NRP2: variants seen among roughly 807,000 people sequenced by gnomAD.
NRP2 encodes neuropilin 2, also known as neuropilin-2.
A neutral mutation model predicts 110.4 loss-of-function variants in NRP2; 52 were observed. The ratio of observed to expected loss-of-function variants is 0.47; its 90% CI spans 0.38 to 0.59. NRP2 has a LOEUF of 0.59. Among genes scored for constraint, NRP2 ranks in the 20% least tolerant of loss-of-function variants. The pLI, the probability that NRP2 is intolerant of heterozygous loss-of-function variation, is 0.00. For missense variants in NRP2, 1,049 were observed against 1,203.0 expected, an observed-to-expected ratio of 0.87 and a Z score of 1.89; for synonymous variants, 508 against 468.9, an observed-to-expected ratio of 1.08 and a Z score of -1.08.
At chr2:205,735,157 G>C (rs181081109) in intron 7 of NRP2, among the ~76,000 whole-genome samples, 1 of 151,818 alleles carries the variant, frequency 6.6e-6, no homozygotes, top group Admixed American at 6.6e-5. Context: ...ATGACAGGTA[G>C]CATCTACACT....
chr2:205,752,195 G>C (rs905450162), intron 11 of NRP2, among the ~76,000 whole-genome samples: 63 of 152,212 alleles, frequency 4.1e-4, no homozygotes, highest in African/African-American at 1.4e-3. Flanking sequence ...AAGCTGGCTG[G>C]TCTGGTCCCT....
At chr2:205,758,558 T>C (rs1390016875) in intron 12 of NRP2, among the ~76,000 whole-genome samples, 1 of 152,230 alleles carries the variant, frequency 6.6e-6, no homozygotes, top group East Asian at 1.9e-4. Context: ...CCCTGTCCTC[T>C]GTACTTCCTC....
chr2:205,724,868 T>C (rs1007517101), intron 5 of NRP2, among the ~76,000 whole-genome samples: 2 of 152,090 alleles, frequency 1.3e-5, no homozygotes, highest in Non-Finnish European at 2.9e-5. Context: ...GGTTTCACCA[T>C]GTTGGCTAGA....
intron 9 of NRP2, 88 bp from the exon 10 acceptor site, chr2:205,745,658 G>A: frequency 1.3e-6 from 2 of 1,508,910 alleles, no homozygotes; most frequent in Non-Finnish European, 1.8e-6. Context: ...GGACGTGCGG[G>A]GCAGGGAGGA....
intron 14 of NRP2, among the ~76,000 whole-genome samples, chr2:205,765,933 A>C (rs1249762022): frequency 2.6e-5 from 4 of 152,214 alleles, no homozygotes; most frequent in Non-Finnish European, 5.9e-5. Context: ...TGATGGATTT[A>C]ATGGAAGCCT....
At chr2:205,753,950 G>A (rs2057693328) in intron 12 of NRP2, among the ~76,000 whole-genome samples, 1 of 152,154 alleles carries the variant, frequency 6.6e-6, no homozygotes, top group Non-Finnish European at 1.5e-5. Flanking sequence ...GTTGAGTTTT[G>A]AGGATTTGTT....
chr2:205,716,394 G>GGGGCC lies in NRP2; in HGVS notation c.433+24_433+28dup. 6.2e-7 allele frequency: 1 copy of GGGGCC among 1,612,818 alleles called. No individual in the cohort carries two copies. Among genetic ancestry groups the GGGGCC allele is most frequent in the African/African-American group, 1.3e-5 (1 of 74,954 alleles). ...AGACAGGTCAGTGTGGTCACACGTA[G>GGGGCC]GGGCCGGGAGATGGGCGTCTTAGAG... On this transcript the variant is annotated intron_variant, in intron 3 of 16. Transcript: ENST00000357785.
intron 7 of NRP2, among the ~76,000 whole-genome samples, chr2:205,737,173 G>A (rs1311439473): frequency 6.6e-6 from 1 of 152,090 alleles, no homozygotes; most frequent in South Asian, 2.1e-4. Flanking sequence ...AGGTATAGTC[G>A]CCCTGTGAAT....
intron 1 of NRP2, among the ~76,000 whole-genome samples, chr2:205,693,852 G>A (rs898479044): frequency 6.6e-6 from 1 of 152,212 alleles, no homozygotes; most frequent in Non-Finnish European, 1.5e-5. Flanking sequence ...TTACCAAGCT[G>A]TCGTGAAGTA....
intron 2 of NRP2, among the ~76,000 whole-genome samples, chr2:205,705,339 C>G (rs553642247): frequency 1.3e-5 from 2 of 151,966 alleles, no homozygotes; most frequent in South Asian, 4.2e-4. Context: ...AATTTTTTTC[C>G]TAGAAGGAGA....
intron 15 of NRP2, among the ~76,000 whole-genome samples, chr2:205,768,755 C>A (rs2057969365): frequency 6.6e-6 from 1 of 152,154 alleles, no homozygotes; most frequent in South Asian, 2.1e-4. Context: ...AGGCAGTGCA[C>A]AAGTTGCATG....
chr2:205,769,790 A>G (rs1377963756), intron 15 of NRP2, among the ~76,000 whole-genome samples: 1 of 152,010 alleles, frequency 6.6e-6, no homozygotes, highest in East Asian at 1.9e-4. Flanking sequence ...TTTTTCTAGG[A>G]TTTGAGCTTT....
At chr2:205,752,702 G>T (rs1289463517) in intron 11 of NRP2, 133 bp from the exon 12 acceptor site, 3 of 943,334 alleles carry the variant, frequency 3.2e-6, no homozygotes, top group Non-Finnish European at 3.4e-6. Flanking sequence ...TGAGTTAAAT[G>T]AATAAGCAAA....
At position 205,796,838 on chromosome 2, in the gene NRP2, T is replaced by A. The variant is rs1443136698; in HGVS notation, c.*1780T>A. 6.6e-6 allele frequency: 1 copy of A among 152,656 alleles called. No individual in the cohort carries two copies. The highest frequency in any genetic ancestry group is 2.4e-5 in the African/African-American group (1 of 41,446). The allele number at this position is 152,656 out of a possible 1,614,324, so 9.5% of individuals were successfully genotyped here. A position where few individuals can be genotyped will look rare whatever the true frequency, so the allele number is the denominator to read the frequency against. ...ACCAGTATGCCCAGCCTATTGCATA[T>A]CATTGTCAGACCATTTTTGCTGCTG... On this transcript the variant is annotated 3_prime_UTR_variant, in exon 17 of 17. Coordinates refer to ENST00000357785, the MANE Select transcript of NRP2 (RefSeq NM_003872.3).
intron 15 of NRP2, among the ~76,000 whole-genome samples, chr2:205,784,747 C>A (rs954235839): frequency 6.6e-6 from 1 of 152,198 alleles, no homozygotes; most frequent in Admixed American, 6.5e-5. Flanking sequence ...CCCCTTTCTG[C>A]ACCTTCCCCT....
intron 15 of NRP2, among the ~76,000 whole-genome samples, chr2:205,780,168 C>A (rs1371312537): frequency 1.3e-5 from 2 of 152,210 alleles, no homozygotes; most frequent in African/African-American, 4.8e-5. Context: ...ATTATTACTT[C>A]CACAGGGATG....
At chr2:205,697,013 C>T (rs2056443023) in intron 1 of NRP2, among the ~76,000 whole-genome samples, 2 of 152,146 alleles carry the variant, frequency 1.3e-5, no homozygotes. Context: ...GAAAGTGCTT[C>T]CTCTGCACCA....
intron 2 of NRP2, chr2:205,701,158 A>G (rs2056547444): frequency 1.3e-5 from 2 of 158,786 alleles, no homozygotes; most frequent in African/African-American, 4.8e-5. Context: ...ACCTGCATGT[A>G]ATACACAGCT....
intron 2 of NRP2, among the ~76,000 whole-genome samples, chr2:205,715,093 G>A (rs2056868133): frequency 1.3e-5 from 2 of 152,176 alleles, no homozygotes; most frequent in African/African-American, 2.4e-5. Context: ...AGTAAATAAT[G>A]GTGCAGCGGC....
Sources: gnomAD v4.1 joint callset for allele counts (sites outside exome capture counted in the v4.1 genomes callset) on GRCh38, gnomAD v4.1.1 for gene constraint, MANE v1.5 for transcripts, NCBI Gene and HGNC (gene_info 2026-07-23, HGNC 2026-07-21) for gene names.